SMOC2: variants seen among roughly 807,000 people sequenced by gnomAD.
SMOC2 encodes the protein SPARC-related modular calcium-binding protein 2.
SMOC2 carries 39 observed loss-of-function variants against 61.4 expected under a neutral mutation model. That is an observed-to-expected ratio of 0.64 (90% CI 0.49 to 0.83). The LOEUF is 0.83. Ranked by LOEUF, SMOC2 falls within the 40% of genes least tolerant of loss-of-function variation. The pLI, the probability that SMOC2 is intolerant of heterozygous loss-of-function variation, is 0.00. For synonymous variants in SMOC2, 247 were observed against 239.9 expected (o/e 1.03, Z -0.27); for missense variants, 556 against 592.9 (o/e 0.94, Z 0.65).
intron 1 of SMOC2, among the ~76,000 whole-genome samples, chr6:168,472,254 G>A (rs1253248120): frequency 6.6e-6 from 1 of 152,156 alleles, no homozygotes; most frequent in Middle Eastern, 3.2e-3. Context: ...CAACTTCGTT[G>A]TTTTGCATGT....
chr6:168,519,131 ATG>A (rs1212725176), intron 2 of SMOC2, among the ~76,000 whole-genome samples: 1 of 125,628 alleles, frequency 8.0e-6, no homozygotes, highest in African/African-American at 3.1e-5. Flanking sequence ...ATGCATGTGT[ATG>A]TGTGCATGTG....
chr6:168,535,810 G>T lies in SMOC2; in HGVS notation c.464-7815G>T, dbSNP rs536413380. ...AAGATGGGAGGGAGACCAATGCGCA[G>T]TGACAGTGATCCTGGGGACACGTGA... On this transcript the variant is annotated intron_variant, in intron 4 of 12. Coordinates refer to ENST00000356284, the MANE Select transcript of SMOC2 (RefSeq NM_001166412.2). The surrounding 1 kb of genome is among the most constrained non-coding windows in gnomAD (Gnocchi z 4.6). Among the ~76,000 whole-genome samples, 1 of 152,322 alleles carries T rather than the reference G, an allele frequency of 6.6e-6. No individual in the cohort carries two copies. The highest frequency in any genetic ancestry group is 2.1e-4 in the South Asian group (1 of 4,818).
At chr6:168,493,750 T>C (rs1782522943) in intron 1 of SMOC2, among the ~76,000 whole-genome samples, 1 of 152,148 alleles carries the variant, frequency 6.6e-6, no homozygotes, top group African/African-American at 2.4e-5. Flanking sequence ...ATTTTATTTT[T>C]CAAAAAAGTG....
Position 168,585,033 on chromosome 6 carries a change from C to T in SMOC2, c.638-13785C>T, listed in dbSNP as rs1785017850. ...AGTGCAGTGGTGTGATCACAGCTCA[C>T]TGCAGCCTTGGTTACCCAGGCTCAA... is the stretch of plus-strand genomic sequence containing the variant. On this transcript the variant is annotated intron_variant, in intron 7 of 12. Transcript: ENST00000356284. Among the ~76,000 whole-genome samples, 4 of 152,232 alleles carry T rather than the reference C, an allele frequency of 2.6e-5. No homozygotes were observed. The South Asian group carries it at 8.3e-4, about 31-fold the overall frequency.
chr6:168,614,442 C>T (rs1184763413), intron 9 of SMOC2, among the ~76,000 whole-genome samples: 1 of 78,620 alleles, frequency 1.3e-5, no homozygotes, highest in African/African-American at 5.4e-5. Flanking sequence ...CCTCTTCACA[C>T]CTACAGCCAG....
chr6:168,518,179 C>G (rs1386984846), intron 2 of SMOC2, among the ~76,000 whole-genome samples: 1 of 152,214 alleles, frequency 6.6e-6, no homozygotes, highest in Admixed American at 6.5e-5. Context: ...CCCGCACAAG[C>G]GCCCGGGGCC....
In SMOC2 at chr6:168,650,763, C is replaced by T; in HGVS notation, c.990C>T (p.Asp330=). 1 of 1,612,264 alleles carries T rather than the reference C, an allele frequency of 6.2e-7. No homozygotes were observed. The highest frequency in any genetic ancestry group is 1.1e-5 in the South Asian group (1 of 90,988). Reference sequence around the variant, plus strand: ...CGGACATGGTCCACGCCGCCTCCGACCCCTCCTCCTCGTCAGGCAGGTACG... The same window carrying T: ...CGGACATGGTCCACGCCGCCTCCGATCCCTCCTCCTCGTCAGGCAGGTACG... ...LSTDMVHAAS[D]PSSSSGRLSE... The change falls in exon 10 of 13, where the codon GAC becomes GAT. Residue 330 remains aspartate, a synonymous_variant. Coordinates refer to ENST00000356284, the MANE Select transcript of SMOC2 (RefSeq NM_001166412.2).
chr6:168,622,257 C>T (rs555762450), intron 9 of SMOC2, among the ~76,000 whole-genome samples: 32 of 152,210 alleles, frequency 2.1e-4, no homozygotes, highest in African/African-American at 6.7e-4. Flanking sequence ...TGAGCCACTG[C>T]GGCCAGCCTC....
chr6:168,602,168 G>A (rs74627999), intron 8 of SMOC2, among the ~76,000 whole-genome samples: 8 of 152,238 alleles, frequency 5.3e-5, no homozygotes, highest in African/African-American at 1.2e-4. Context: ...GGGGGGTGTC[G>A]GACCCAGAAC....
At chr6:168,494,277 G>A (rs948809611) in intron 1 of SMOC2, among the ~76,000 whole-genome samples, 1 of 152,176 alleles carries the variant, frequency 6.6e-6, no homozygotes, top group Non-Finnish European at 1.5e-5. Flanking sequence ...CAAAGTTTTG[G>A]TCTGGGCTCA....
intron 7 of SMOC2, among the ~76,000 whole-genome samples, chr6:168,597,833 C>T (rs544186540): frequency 3.9e-5 from 6 of 152,222 alleles, no homozygotes; most frequent in Non-Finnish European, 8.8e-5. Flanking sequence ...CCGCTCTCCC[C>T]CCAGGTGAGG....
intron 3 of SMOC2, 52 bp from the exon 4 acceptor site, chr6:168,527,576 G>A (rs1783483941): frequency 7.4e-7 from 1 of 1,344,164 alleles, no homozygotes; most frequent in Admixed American, 2.0e-5. Flanking sequence ...GCAGCCGTGA[G>A]GCGCTGCGCC....
rs538877267 is a variant in SMOC2 at position 168,666,496 on chromosome 6, G to A, written c.*58G>A. ...CATGGGAAATTTCCCTCACCAAAGA[G>A]CAATTAAGAAAACAAAAACAGAAAC... On this transcript the variant is annotated 3_prime_UTR_variant, in exon 13 of 13. Transcript: ENST00000356284. 1.1e-5 allele frequency: 18 copies of A among 1,586,924 alleles called. No individual in the cohort carries two copies. The highest frequency in any genetic ancestry group is 6.7e-5 in the East Asian group (3 of 44,726).
At chr6:168,571,198 G>A (rs1024187830) in intron 7 of SMOC2, among the ~76,000 whole-genome samples, 1 of 152,036 alleles carries the variant, frequency 6.6e-6, no homozygotes, top group Non-Finnish European at 1.5e-5. Flanking sequence ...ACATCTTTTT[G>A]TTTAGTAAAA....
intron 9 of SMOC2, among the ~76,000 whole-genome samples, chr6:168,644,324 C>A (rs1786969797): frequency 6.6e-6 from 1 of 152,210 alleles, no homozygotes; most frequent in Non-Finnish European, 1.5e-5. Context: ...CCCTGCTTTT[C>A]TGTACCAGGT....
At chr6:168,649,593 G>A (rs764432213) in intron 9 of SMOC2, among the ~76,000 whole-genome samples, 9 of 152,288 alleles carry the variant, frequency 5.9e-5, no homozygotes, top group African/African-American at 1.2e-4. Flanking sequence ...AACAAGCTCC[G>A]TTTGTCACCT....
At position 168,653,135 on chromosome 6, in the gene SMOC2, G is replaced by A. The variant is rs754482354; in HGVS notation, c.1192G>A (p.Val398Met). 1.3e-5 allele frequency: 21 copies of A among 1,614,070 alleles called. No individual in the cohort carries two copies. The highest frequency in any genetic ancestry group is 5.0e-5 in the Admixed American group (3 of 59,998). Residue 398 changes from valine (V) to methionine (M), a missense_variant, in exon 11 of 13, where the codon GTG becomes ATG. Physicochemically the swap from Val to Met is conservative, Grantham distance 21 (BLOSUM62 1). Coordinates refer to ENST00000356284, the MANE Select transcript of SMOC2 (RefSeq NM_001166412.2). ...CVKKFVEYCDVNNDKSISVQE... is the reference protein window; with the variant it reads ...CVKKFVEYCDMNNDKSISVQE... ...GAAGAAGTTTGTTGAATACTGTGACGTGAATAATGACAAATCCATCTCCGT... is the reference window on the plus strand; with the variant it reads ...GAAGAAGTTTGTTGAATACTGTGACATGAATAATGACAAATCCATCTCCGT...
chr6:168,454,466 G>A (rs1192676251), intron 1 of SMOC2, among the ~76,000 whole-genome samples: 1 of 151,902 alleles, frequency 6.6e-6, no homozygotes, highest in African/African-American at 2.4e-5. Flanking sequence ...TTCACAGCAC[G>A]AAACCCAGAG....
chr6:168,506,478 G>T (rs897087961), intron 1 of SMOC2, among the ~76,000 whole-genome samples: 5 of 152,214 alleles, frequency 3.3e-5, no homozygotes, highest in Non-Finnish European at 7.3e-5. Flanking sequence ...AAGATTTGAA[G>T]AGTGCTTTTA....
Sources: allele counts gnomAD v4.1 joint callset (sites outside exome capture counted in the v4.1 genomes callset), GRCh38; gene constraint gnomAD v4.1.1; non-coding constraint Gnocchi (gnomAD v3.1); transcripts MANE v1.5; gene names NCBI Gene and HGNC (gene_info 2026-07-23, HGNC 2026-07-21).